Variants in INPP4B observed in about 807,000 individuals in gnomAD.
INPP4B encodes inositol polyphosphate 4-phosphatase type II.
In INPP4B, 55 loss-of-function variants were observed where a neutral mutation model predicts 122.5. The observed-to-expected ratio is 0.45, with a 90% CI of 0.36 to 0.56. The LOEUF is 0.56. INPP4B is among the 20% of genes least tolerant of loss of function. INPP4B has a pLI of 0.00. For synonymous variants in INPP4B, 403 were observed against 388.7 expected (o/e 1.04, Z -0.43); for missense variants, 1,000 against 1,097.7 (o/e 0.91, Z 1.26).
At chr4:142,765,652 C>T (rs1772002697) in intron 1 of INPP4B, among the ~76,000 whole-genome samples, 1 of 152,160 alleles carries the variant, frequency 6.6e-6, no homozygotes, top group African/African-American at 2.4e-5. Context: ...AGGATTTTCA[C>T]TGTTAACTTA....
intron 2 of INPP4B, among the ~76,000 whole-genome samples, chr4:142,502,315 AT>A (rs2149825070): frequency 6.6e-6 from 1 of 152,162 alleles, no homozygotes; most frequent in Non-Finnish European, 1.5e-5. Context: ...CTGAACCCAA[AT>A]TTTTAGCCTT....
At chr4:142,173,162 T>C (rs2152949695) in intron 16 of INPP4B, among the ~76,000 whole-genome samples, 1 of 152,022 alleles carries the variant, frequency 6.6e-6, no homozygotes, top group South Asian at 2.1e-4. Context: ...AATAAAGTTG[T>C]AGAGAGCAAA....
intron 7 of INPP4B, among the ~76,000 whole-genome samples, chr4:142,343,692 C>T (rs1230427038): frequency 6.6e-6 from 1 of 151,998 alleles, no homozygotes; most frequent in Non-Finnish European, 1.5e-5. Context: ...TATTTTCCTC[C>T]TCATCAACTG....
intron 14 of INPP4B, among the ~76,000 whole-genome samples, chr4:142,196,023 A>G (rs1428128127): frequency 6.6e-6 from 1 of 152,200 alleles, no homozygotes; most frequent in Non-Finnish European, 1.5e-5. Flanking sequence ...CTAGACATCT[A>G]TGAAGAAACC....
At chr4:142,193,459 G>A (rs994609083) in intron 14 of INPP4B, among the ~76,000 whole-genome samples, 3 of 152,048 alleles carry the variant, frequency 2.0e-5, no homozygotes, top group African/African-American at 7.2e-5. Flanking sequence ...AGAACAGTGT[G>A]TTCTCTCATT....
chr4:142,825,529 G>A (rs564088147), intron 1 of INPP4B, among the ~76,000 whole-genome samples: 3 of 152,046 alleles, frequency 2.0e-5, no homozygotes, highest in Admixed American at 2.0e-4. Flanking sequence ...TGGAATCTCT[G>A]ACCCCAAGAA....
At position 142,208,889 on chromosome 4, in the gene INPP4B, T is replaced by C. The variant is rs200217550; in HGVS notation, c.967+7A>G. On this transcript the variant is annotated splice_region_variant and intron_variant, in intron 13 of 25. Transcript: ENST00000262992. ...ACTTTGAGTAAGTAGAGAAATTGCT[T>C]CCACACCTGTTTCCTTGCTAAGTTC... The C allele has an allele frequency of 3.2e-6, 5 of 1,549,652 alleles. No individual in the cohort carries two copies. The East Asian group carries it at 1.1e-4, about 35-fold the overall frequency.
intron 5 of INPP4B, among the ~76,000 whole-genome samples, chr4:142,418,891 A>T (rs1404581979): frequency 6.6e-6 from 1 of 152,198 alleles, no homozygotes; most frequent in Admixed American, 6.5e-5. Flanking sequence ...GAATAGAAAC[A>T]GACTCACGAG....
chr4:142,431,766 T>C (rs1381839009), intron 3 of INPP4B, among the ~76,000 whole-genome samples: 1 of 152,120 alleles, frequency 6.6e-6, no homozygotes, highest in Admixed American at 6.6e-5. Context: ...ACTATCGTTC[T>C]TTCCATTAGA....
At chr4:142,170,919 G>C (rs1825315876) in intron 16 of INPP4B, among the ~76,000 whole-genome samples, 1 of 151,586 alleles carries the variant, frequency 6.6e-6, no homozygotes, top group Admixed American at 6.6e-5. Flanking sequence ...ATTTTGGTTG[G>C]GGAGCTCTAT....
At chr4:142,120,311 T>A (rs2152743297) in intron 21 of INPP4B, among the ~76,000 whole-genome samples, 1 of 152,212 alleles carries the variant, frequency 6.6e-6, no homozygotes, top group Admixed American at 6.6e-5. Context: ...TTACAAAATG[T>A]CTGGGTCCTT....
intron 9 of INPP4B, among the ~76,000 whole-genome samples, chr4:142,292,354 G>C (rs1056995079): frequency 2.0e-5 from 3 of 152,066 alleles, no homozygotes; most frequent in African/African-American, 7.2e-5. Context: ...ATCTCACTTG[G>C]TCATAGAAGC....
At chr4:142,742,800 A>G (rs1768098033) in intron 1 of INPP4B, among the ~76,000 whole-genome samples, 1 of 152,008 alleles carries the variant, frequency 6.6e-6, no homozygotes, top group Admixed American at 6.6e-5. Context: ...TAACTATTTA[A>G]AGTAATCATG....
At chr4:142,645,404 CTTTTTCTTTTAGTA>C (rs1751527723) in intron 2 of INPP4B, among the ~76,000 whole-genome samples, 3 of 152,138 alleles carry the variant, frequency 2.0e-5, no homozygotes, top group Non-Finnish European at 4.4e-5. Context: ...TCCATTCTTC[CTTTTTCTTTTAGTA>C]TAAAACCCCT....
At chr4:142,145,571 T>C (rs964517339) in intron 18 of INPP4B, among the ~76,000 whole-genome samples, 15 of 152,054 alleles carry the variant, frequency 9.9e-5, no homozygotes, top group African/African-American at 3.4e-4. Context: ...TTAAACTATG[T>C]CAGAGCCTTA....
At chr4:142,064,966 A>G (rs1287032873) in intron 25 of INPP4B, among the ~76,000 whole-genome samples, 1 of 152,178 alleles carries the variant, frequency 6.6e-6, no homozygotes, top group African/African-American at 2.4e-5. Context: ...AAGAAAACAG[A>G]TATTTTGCAG....
intron 9 of INPP4B, among the ~76,000 whole-genome samples, chr4:142,302,137 G>A (rs759336217): frequency 1.6e-4 from 25 of 152,072 alleles, no homozygotes; most frequent in Non-Finnish European, 2.2e-4. Context: ...ATAAGAACAC[G>A]TTCCATAGGT....
At chr4:142,311,605 A>C (rs1765537571) in intron 8 of INPP4B, among the ~76,000 whole-genome samples, 1 of 152,150 alleles carries the variant, frequency 6.6e-6, no homozygotes, top group South Asian at 2.1e-4. Context: ...ATCTAGCAGG[A>C]GTGTGGAGAC....
At chr4:142,762,354 C>T (rs147564765) in intron 1 of INPP4B, among the ~76,000 whole-genome samples, 229 of 152,182 alleles carry the variant, frequency 1.5e-3, no homozygotes, top group African/African-American at 5.5e-3. Flanking sequence ...ACAGATTTTC[C>T]TAAGTTCAGA....
Sources: gnomAD v4.1 joint callset for allele counts (sites outside exome capture counted in the v4.1 genomes callset) on GRCh38, gnomAD v4.1.1 for gene constraint, MANE v1.5 for transcripts, NCBI Gene and HGNC (gene_info 2026-07-23, HGNC 2026-07-21) for gene names.